NAALADL2: variants seen among roughly 807,000 people sequenced by gnomAD.
The protein encoded by NAALADL2 is N-acetylated alpha-linked acidic dipeptidase like 2.
In NAALADL2, 76 loss-of-function variants were observed where a neutral mutation model predicts 87.2. That is an observed-to-expected ratio of 0.87 (90% CI 0.72 to 1.05). NAALADL2 has a LOEUF of 1.05. Among genes scored for constraint, NAALADL2 ranks in the 50% least tolerant of loss-of-function variants. The pLI, the probability that NAALADL2 is intolerant of heterozygous loss-of-function variation, is 0.00. For missense variants in NAALADL2, 1,089 were observed against 945.8 expected, an observed-to-expected ratio of 1.15 and a Z score of -1.99; for synonymous variants, 354 against 331.0, an observed-to-expected ratio of 1.07 and a Z score of -0.75.
chr3:174,799,729 T>C (rs1297988765), intron 3 of NAALADL2, among the ~76,000 whole-genome samples: 3 of 151,438 alleles, frequency 2.0e-5, no homozygotes, highest in Non-Finnish European at 4.4e-5. Flanking sequence ...CAGGCAGAGG[T>C]TGGAATAGTT....
intron 2 of NAALADL2, among the ~76,000 whole-genome samples, chr3:174,709,876 C>G (rs1176321163): frequency 3.9e-5 from 6 of 152,108 alleles, no homozygotes; most frequent in South Asian, 2.1e-4. Context: ...AAATTTGTTC[C>G]TTTTTGTAAT....
At chr3:175,518,456 C>G (rs892494645) in intron 9 of NAALADL2, among the ~76,000 whole-genome samples, 3 of 152,206 alleles carry the variant, frequency 2.0e-5, no homozygotes, top group Non-Finnish European at 1.5e-5. Context: ...TGTATACATA[C>G]TGTCTTAGTC....
chr3:175,648,341 T>C (rs1246562389), intron 11 of NAALADL2, among the ~76,000 whole-genome samples: 3 of 151,754 alleles, frequency 2.0e-5, no homozygotes, highest in Admixed American at 6.6e-5. Flanking sequence ...AGTTAAATAA[T>C]ATATTGTATA....
intron 3 of NAALADL2, among the ~76,000 whole-genome samples, chr3:174,763,795 C>T (rs1172963639): frequency 1.4e-5 from 2 of 146,234 alleles, no homozygotes; most frequent in Non-Finnish European, 1.5e-5. Context: ...CATCAGTTTT[C>T]TTTTCTGGTT....
chr3:175,112,772 G>A (rs1182468507), intron 2 of NAALADL2, among the ~76,000 whole-genome samples: 1 of 151,618 alleles, frequency 6.6e-6, no homozygotes, highest in African/African-American at 2.4e-5. Context: ...ACGGTCATAT[G>A]AGAGTTACAT....
At chr3:174,530,132 T>C (rs1001727526) in intron 1 of NAALADL2, among the ~76,000 whole-genome samples, 3 of 152,128 alleles carry the variant, frequency 2.0e-5, no homozygotes, top group Admixed American at 6.5e-5. Flanking sequence ...AACACACAAG[T>C]CACCTCTTCA....
At chr3:174,836,634 G>A (rs558599728) in intron 3 of NAALADL2, among the ~76,000 whole-genome samples, 11 of 150,474 alleles carry the variant, frequency 7.3e-5, no homozygotes, top group South Asian at 2.1e-4. Flanking sequence ...GTGTGAACCC[G>A]GGAGGCGGAG....
intron 1 of NAALADL2, among the ~76,000 whole-genome samples, chr3:175,093,465 C>T (rs1720546069): frequency 7.0e-6 from 1 of 143,794 alleles, no homozygotes; most frequent in Non-Finnish European, 1.5e-5. Flanking sequence ...ACTATCAGGG[C>T]AGAGATTTAT....
intron 1 of NAALADL2, among the ~76,000 whole-genome samples, chr3:174,894,594 C>CAAAAA: frequency 1.1e-3 from 52 of 48,448 alleles, no homozygotes; most frequent in Non-Finnish European, 1.3e-3. Flanking sequence ...AACTCCGTCT[C>CAAAAA]AAAAAAAAAA....
intron 4 of NAALADL2, among the ~76,000 whole-genome samples, chr3:175,266,131 A>C (rs535617614): frequency 6.6e-5 from 10 of 150,858 alleles, no homozygotes; most frequent in Non-Finnish European, 4.5e-5. Context: ...TTTATTTTGT[A>C]TATTTTCTCT....
intron 2 of NAALADL2, among the ~76,000 whole-genome samples, chr3:174,735,818 C>T (rs977399786): frequency 7.2e-5 from 11 of 152,206 alleles, no homozygotes; most frequent in East Asian, 3.9e-4. Flanking sequence ...TGGCCAGCAG[C>T]GCCTTTGCCA....
At chr3:175,519,144 C>T in intron 9 of NAALADL2, among the ~76,000 whole-genome samples, 1 of 152,154 alleles carries the variant, frequency 6.6e-6, no homozygotes, top group East Asian at 1.9e-4. Flanking sequence ...TGGAGTGGGG[C>T]TCTTATAACC....
chr3:175,233,527 C>T (rs372543603), intron 2 of NAALADL2, among the ~76,000 whole-genome samples: 192 of 152,194 alleles, frequency 1.3e-3, no homozygotes, highest in Non-Finnish European at 2.0e-3. Context: ...CTGCAGCCTC[C>T]GACTCCCAGG....
chr3:175,030,620 G>A (rs1752696667), intron 1 of NAALADL2, among the ~76,000 whole-genome samples: 1 of 151,990 alleles, frequency 6.6e-6, no homozygotes, highest in Non-Finnish European at 1.5e-5. Context: ...TAAGATAAGA[G>A]GATTGATTTA....
intron 1 of NAALADL2, among the ~76,000 whole-genome samples, chr3:174,933,010 G>C (rs1279071815): frequency 6.6e-6 from 1 of 152,142 alleles, no homozygotes; most frequent in Non-Finnish European, 1.5e-5. Context: ...CCAGCTACTT[G>C]GGAGGCTGAG....
At chr3:174,442,058 A>G (rs1714693416) in intron 1 of NAALADL2, among the ~76,000 whole-genome samples, 1 of 152,126 alleles carries the variant, frequency 6.6e-6, no homozygotes, top group East Asian at 1.9e-4. Flanking sequence ...AAATTATGTC[A>G]TAGGATCCTG....
At chr3:174,507,457 A>G (rs1313713247) in intron 1 of NAALADL2, among the ~76,000 whole-genome samples, 1 of 151,956 alleles carries the variant, frequency 6.6e-6, no homozygotes, top group Non-Finnish European at 1.5e-5. Context: ...TATTTTTGTA[A>G]TCACCCTTAT....
chr3:175,374,488 A>G (rs900367888), intron 5 of NAALADL2, among the ~76,000 whole-genome samples: 8 of 129,446 alleles, frequency 6.2e-5, no homozygotes, highest in Admixed American at 2.8e-4. Context: ...TAGGAGGCAG[A>G]GGTTGCAGTG....
intron 2 of NAALADL2, among the ~76,000 whole-genome samples, chr3:175,207,256 G>A (rs1206908506): frequency 1.3e-5 from 2 of 151,964 alleles, no homozygotes; most frequent in South Asian, 2.1e-4. Context: ...AGAAATTATT[G>A]GAGACTAGAA....
Sources: allele counts gnomAD v4.1 joint callset (sites outside exome capture counted in the v4.1 genomes callset), GRCh38; gene constraint gnomAD v4.1.1; transcripts MANE v1.5; gene names NCBI Gene and HGNC (gene_info 2026-07-23, HGNC 2026-07-21).